PLCD1: variants seen among roughly 807,000 people sequenced by gnomAD.
The protein encoded by PLCD1 is 1-phosphatidylinositol 4,5-bisphosphate phosphodiesterase delta-1.
In PLCD1, 71 loss-of-function variants were observed where a neutral mutation model predicts 87.4. That is an observed-to-expected ratio of 0.81 (90% CI 0.67 to 0.99). The LOEUF is 0.99. Among genes scored for constraint, PLCD1 ranks in the 50% least tolerant of loss-of-function variants. The pLI is 0.00. For synonymous variants in PLCD1, 348 were observed against 399.2 expected, an observed-to-expected ratio of 0.87 and a Z score of 1.53; for missense variants, 867 against 1,001.5, an observed-to-expected ratio of 0.87 and a Z score of 1.81.
At chr3:38,024,418 T>C (rs764553838) in intron 1 of PLCD1, 1 of 1,612,178 alleles carries the variant, frequency 6.2e-7, no homozygotes, top group African/African-American at 1.3e-5. Context: ...CGGCTCCGGA[T>C]CCCCAGGCAC....
chr3:38,022,027 A>G (rs1355165792), intron 1 of PLCD1, among the ~76,000 whole-genome samples: 1 of 151,766 alleles, frequency 6.6e-6, no homozygotes, highest in East Asian at 1.9e-4. Flanking sequence ...GCTAACATCC[A>G]CCCCCTATAG....
In PLCD1 at chr3:38,009,127, G is replaced by A. The variant is rs963953979; in HGVS notation, c.1638C>T (p.His546=). ...GNGFVRHNVG[H]LSRIYPAGWR... is the part of the protein sequence containing the mutation. ...ATCCAGCCGGGTAGATTCTGCTCAG[G>A]TGCCCCACGTTGTGGCGGACAAAGC... Residue 546 remains histidine (H), a synonymous_variant, in exon 11 of 15, where the codon CAC becomes CAT. Coordinates refer to ENST00000334661, the MANE Select transcript of PLCD1 (RefSeq NM_006225.4). 1.7e-5 allele frequency: 28 copies of A among 1,614,054 alleles called. No homozygotes were observed. The highest frequency in any genetic ancestry group is 1.0e-4 in the Admixed American group (6 of 60,010).
At chr3:38,028,540 G>A (rs1700330608) in intron 1 of PLCD1, among the ~76,000 whole-genome samples, 1 of 152,210 alleles carries the variant, frequency 6.6e-6, no homozygotes, top group Non-Finnish European at 1.5e-5. Flanking sequence ...TTAGATGGAT[G>A]GGTGGTGGCC....
Position 38,011,593 on chromosome 3 carries a change from T to G in PLCD1, c.509A>C (p.Lys170Thr), listed in dbSNP as rs141991999. ...GTCGTCCACCTGGATGTTGAGCTCCTTCAGGAAGTTCTGCAGCTCCTTGAA... is the reference window on the plus strand; with the variant it reads ...GTCGTCCACCTGGATGTTGAGCTCCGTCAGGAAGTTCTGCAGCTCCTTGAA... ...MSFKELQNFL[K>T]ELNIQVDDSY... Residue 170 changes from lysine (K) to threonine (T), a missense_variant, in exon 4 of 15, where the codon AAG (lysine) becomes ACG (threonine). Transcript: ENST00000334661. The G allele has an allele frequency of 1.3e-4, 208 of 1,614,078 alleles. No homozygotes were observed. The highest frequency in any genetic ancestry group is 1.7e-4 in the Non-Finnish European group (201 of 1,180,010).
In PLCD1 at chr3:38,008,221, G is replaced by T. The variant is rs1395024626; in HGVS notation, c.2035+14C>A. On this transcript the variant is annotated intron_variant, in intron 13 of 14. Transcript: ENST00000334661. The stretch of plus-strand genomic sequence containing the variant: ...ACACCAGCCCTAGTAGCCCAGCCCA[G>T]GCCCAGCACCTACCATTGTTGGTGA... 6.2e-7 allele frequency: 1 copy of T among 1,613,830 alleles called. No homozygotes were observed. Among genetic ancestry groups the T allele is most frequent in the Non-Finnish European group, 8.5e-7 (1 of 1,180,052 alleles).
intron 4 of PLCD1, 46 bp from the exon 5 acceptor site, chr3:38,011,491 C>T (rs2364794): frequency 2.2e-5 from 35 of 1,613,730 alleles, no homozygotes; most frequent in Middle Eastern, 1.6e-4. Flanking sequence ...GGCCTTGGGC[C>T]GGGGTCAAGG....
At chr3:38,011,120 C>T (rs542440323) in intron 5 of PLCD1, 94 bp downstream of exon 5, 66 of 1,002,550 alleles carry the variant, frequency 6.6e-5, no homozygotes, top group Admixed American at 4.0e-4. Context: ...CCCTTCCCTC[C>T]GGTTCCCTTC....
At position 38,008,545 on chromosome 3, in the gene PLCD1, G is replaced by A. The variant is rs147105553; in HGVS notation, c.1815C>T (p.Pro605=). ...DNGACGYVLK[P]AFLRDPNGTF... Reference sequence around the variant, plus strand: ...TGCCGTTGGGGTCTCGCAGGAAGGCGGGCTTCAGCACGTACCCACAGGCCC... The same window carrying A: ...TGCCGTTGGGGTCTCGCAGGAAGGCAGGCTTCAGCACGTACCCACAGGCCC... The change falls in exon 12 of 15, where the codon CCC becomes CCT. Residue 605 remains proline, a synonymous_variant. Coordinates refer to ENST00000334661, the MANE Select transcript of PLCD1 (RefSeq NM_006225.4). 8.7e-5 allele frequency: 141 copies of A among 1,614,048 alleles called. No individual in the cohort carries two copies. The highest frequency in any genetic ancestry group is 1.2e-4 in the South Asian group (11 of 91,090).
At chr3:38,024,869 G>A in intron 1 of PLCD1, 1 of 482,272 alleles carries the variant, frequency 2.1e-6, no homozygotes, top group Non-Finnish European at 3.3e-6. Flanking sequence ...CCTGGAGATG[G>A]GGCGAGAGTG....
Position 38,007,715 on chromosome 3 carries a change from C to A in PLCD1, c.*58G>T. On this transcript the variant is annotated 3_prime_UTR_variant, in exon 15 of 15. Coordinates refer to ENST00000334661, the MANE Select transcript of PLCD1 (RefSeq NM_006225.4). ...GGGAGCAGCCACACCAGCCCTGTCC[C>A]CACATGTGGACAGAGGGCCCAGCCC... is the stretch of plus-strand genomic sequence containing the variant. The A allele has an allele frequency of 7.7e-7, 1 of 1,292,772 alleles. No individual in the cohort carries two copies. The allele number at this position is 1,292,772 out of a possible 1,614,324, so 80.1% of individuals were successfully genotyped here.
intron 9 of PLCD1, 98 bp downstream of exon 9, chr3:38,009,555 T>C: frequency 1.3e-6 from 2 of 1,563,722 alleles, no homozygotes; most frequent in East Asian, 2.2e-5. Flanking sequence ...GCAGAGGGTC[T>C]GAGTGGCAGC....
rs774731580 is a variant in PLCD1 at position 38,010,533 on chromosome 3, C to T, written c.820G>A (p.Gly274Ser). The T allele has an allele frequency of 1.2e-5, 20 of 1,614,026 alleles. No homozygotes were observed. Among genetic ancestry groups the T allele is most frequent in the Admixed American group, 6.7e-5 (4 of 60,028 alleles). The change falls in exon 6 of 15, where the codon GGC (glycine) becomes AGC (serine). Residue 274 changes from glycine (G) to serine (S), a missense_variant. By Grantham distance (56) the Gly-to-Ser change is moderately conservative. Coordinates refer to ENST00000334661, the MANE Select transcript of PLCD1 (RefSeq NM_006225.4). ...AKAQRQMTKD[G>S]FLMYLLSADG... Reference sequence around the variant, plus strand: ...GCCGACAGTAAGTACATGAGGAAGCCGTCCTTGGTCATCTGCCGCTGCGCC... The same window carrying T: ...GCCGACAGTAAGTACATGAGGAAGCTGTCCTTGGTCATCTGCCGCTGCGCC...
intron 1 of PLCD1, among the ~76,000 whole-genome samples, chr3:38,020,623 C>A (rs1700219749): frequency 6.6e-6 from 1 of 152,160 alleles, no homozygotes; most frequent in South Asian, 2.1e-4. Flanking sequence ...CTGTGACGTG[C>A]CACCCACAGC....
In PLCD1 at chr3:38,011,430, G is replaced by T. The variant is rs747841445; in HGVS notation, c.574C>A (p.Gln192Lys). Residue 192 changes from glutamine (Q) to lysine (K), a missense_variant, in exon 5 of 15, where the codon CAG (glutamine) becomes AAG (lysine). Physicochemically the swap from Gln to Lys is moderately conservative, Grantham distance 53. Coordinates refer to ENST00000334661, the MANE Select transcript of PLCD1 (RefSeq NM_006225.4). ...TCCTCGTCCTCCAGGGAGTCTGTCTGGGAGTGGTCACACTCCTGCAGAGCC... is the reference window on the plus strand; with the variant it reads ...TCCTCGTCCTCCAGGGAGTCTGTCTTGGAGTGGTCACACTCCTGCAGAGCC... ...RKIFRECDHSQTDSLEDEEIE... is the reference protein window; with the variant it reads ...RKIFRECDHSKTDSLEDEEIE... The T allele has an allele frequency of 2.5e-6, 4 of 1,613,840 alleles. No homozygotes were observed. The highest frequency in any genetic ancestry group is 3.4e-6 in the Non-Finnish European group (4 of 1,179,806).
chr3:38,024,698 C>T (rs1253258142), intron 1 of PLCD1: 8 of 1,484,188 alleles, frequency 5.4e-6, no homozygotes, highest in African/African-American at 1.4e-5. Context: ...AGCGGCGGGA[C>T]CTATGCCCCC....
rs1439286741 is a variant in PLCD1 at position 38,010,140 on chromosome 3, A to T, written c.1128T>A (p.Tyr376Ter). 6.2e-6 allele frequency: 10 copies of T among 1,614,264 alleles called. No individual in the cohort carries two copies. The highest frequency in any genetic ancestry group is 8.5e-6 in the Non-Finnish European group (10 of 1,180,032). ...FCDVLRAIRDYAFKASPYPVI... is the reference protein window; with the variant it reads ...FCDVLRAIRD ...CCAGGGGCACTCCCACCTTGAAGGC[A>T]TAGTCCCGGATGGCCCTGAGCACAT... The change falls in exon 7 of 15, where the codon TAT becomes TAA. Residue 376 changes from tyrosine to a stop codon, truncating the protein, a stop_gained. Coordinates refer to ENST00000334661, the MANE Select transcript of PLCD1 (RefSeq NM_006225.4). LOFTEE classifies it high-confidence loss of function.
At chr3:38,024,693 C>A in intron 1 of PLCD1, 1 of 1,490,352 alleles carries the variant, frequency 6.7e-7, no homozygotes, top group Non-Finnish European at 8.9e-7. Context: ...CCACGAGCGG[C>A]GGGACCTATG....
intron 2 of PLCD1, among the ~76,000 whole-genome samples, chr3:38,016,947 GAC>G (rs1700167332): frequency 6.6e-6 from 1 of 152,100 alleles, no homozygotes; most frequent in Admixed American, 6.5e-5. Flanking sequence ...CAGAGCATGA[GAC>G]ACAGTCATTG....
intron 1 of PLCD1, among the ~76,000 whole-genome samples, chr3:38,028,063 A>G (rs1700326625): frequency 6.6e-6 from 1 of 152,214 alleles, no homozygotes; most frequent in African/African-American, 2.4e-5. Flanking sequence ...TGGAAAAGAT[A>G]TCAAGGCTGC....
Sources: gnomAD v4.1 joint callset for allele counts (sites outside exome capture counted in the v4.1 genomes callset) on GRCh38, gnomAD v4.1.1 for gene constraint, MANE v1.5 for transcripts, NCBI Gene and HGNC (gene_info 2026-07-23, HGNC 2026-07-21) for gene names.